Variants in MLLT3 observed in about 807,000 individuals in gnomAD.
The protein encoded by MLLT3 is protein AF-9.
Under a neutral mutation model 53.2 loss-of-function variants are expected in MLLT3, and 4 were observed. The ratio of observed to expected loss-of-function variants is 0.08; its 90% CI spans 0.04 to 0.17. MLLT3 has a LOEUF of 0.17. MLLT3 is among the 10% of genes least tolerant of loss of function. The pLI, the probability that MLLT3 is intolerant of heterozygous loss-of-function variation, is 1.00. For missense variants in MLLT3, 569 were observed against 684.0 expected (o/e 0.83, Z 1.87); for synonymous variants, 283 against 230.6 (o/e 1.23, Z -2.06).
At chr9:20,436,750 A>G (rs979227624) in intron 4 of MLLT3, among the ~76,000 whole-genome samples, 6 of 152,118 alleles carry the variant, frequency 3.9e-5, no homozygotes, top group African/African-American at 1.2e-4. Flanking sequence ...GGTGACCTTG[A>G]CCTATTATAT....
chr9:20,492,065 AAG>A (rs780397666), intron 2 of MLLT3, among the ~76,000 whole-genome samples: 72 of 152,110 alleles, frequency 4.7e-4, no homozygotes, highest in South Asian at 1.7e-3. Context: ...TTTAGAAAAA[AAG>A]AGATGATTTC....
At chr9:20,600,127 AAAAAAAAAAACAAAAAAC>A (rs1167431656) in intron 2 of MLLT3, among the ~76,000 whole-genome samples, 3 of 77,624 alleles carry the variant, frequency 3.9e-5, no homozygotes, top group East Asian at 3.1e-4. Flanking sequence ...ATGTTGTCCA[AAAAAAAAAAACAAAAAAC>A]AAAAAAAAAA....
intron 2 of MLLT3, among the ~76,000 whole-genome samples, chr9:20,470,516 T>C (rs920544346): frequency 6.6e-6 from 1 of 152,052 alleles, no homozygotes; most frequent in East Asian, 1.9e-4. Flanking sequence ...TGAATTAGTA[T>C]ACCTATGTCA....
intron 2 of MLLT3, among the ~76,000 whole-genome samples, chr9:20,610,931 C>T (rs1820686134): frequency 6.6e-6 from 1 of 152,094 alleles, no homozygotes; most frequent in African/African-American, 2.4e-5. Flanking sequence ...AACTAAATCT[C>T]AACAGCCCAA....
intron 2 of MLLT3, among the ~76,000 whole-genome samples, chr9:20,528,854 C>A (rs569706394): frequency 6.6e-6 from 1 of 152,142 alleles, no homozygotes; most frequent in Non-Finnish European, 1.5e-5. Flanking sequence ...TTTGGGGAAC[C>A]AGCATTTGGC....
intron 2 of MLLT3, among the ~76,000 whole-genome samples, chr9:20,529,757 T>TGGG (rs1332144592): frequency 7.8e-6 from 1 of 127,602 alleles, no homozygotes; most frequent in Non-Finnish European, 1.6e-5. Flanking sequence ...TTGGTAGGGA[T>TGGG]GGGGTTCTCA....
intron 2 of MLLT3, among the ~76,000 whole-genome samples, chr9:20,597,632 G>C (rs1820309363): frequency 6.6e-6 from 1 of 152,112 alleles, no homozygotes; most frequent in Non-Finnish European, 1.5e-5. Flanking sequence ...TATTACTGCA[G>C]AGTGGTGTCA....
At chr9:20,372,183 T>A (rs539884426) in intron 5 of MLLT3, among the ~76,000 whole-genome samples, 5 of 152,146 alleles carry the variant, frequency 3.3e-5, no homozygotes, top group East Asian at 3.8e-4. Context: ...TCAGATGGAA[T>A]CTACTCCTGG....
chr9:20,590,628 T>C (rs1820104458), intron 2 of MLLT3, among the ~76,000 whole-genome samples: 1 of 152,214 alleles, frequency 6.6e-6, no homozygotes, highest in African/African-American at 2.4e-5. Flanking sequence ...TCCTGAGGCC[T>C]CTCCAGCCAT....
intron 2 of MLLT3, among the ~76,000 whole-genome samples, chr9:20,473,396 G>A (rs1824442735): frequency 6.6e-6 from 1 of 151,880 alleles, no homozygotes; most frequent in South Asian, 2.1e-4. Context: ...TAATAATGTT[G>A]AGTTTCACCA....
chr9:20,514,668 T>C (rs916946980), intron 2 of MLLT3, among the ~76,000 whole-genome samples: 3 of 152,038 alleles, frequency 2.0e-5, no homozygotes, highest in African/African-American at 7.2e-5. Flanking sequence ...GGCAGCAAGA[T>C]CACAAATGTA....
intron 10 of MLLT3, among the ~76,000 whole-genome samples, chr9:20,349,444 C>A (rs12555173): frequency 0.022 from 3,341 of 151,978 alleles, 75 homozygotes; most frequent in Admixed American, 0.049. Context: ...TTTCCTCTCG[C>A]CCCCAATGAG....
At chr9:20,518,839 G>C (rs1817981606) in intron 2 of MLLT3, among the ~76,000 whole-genome samples, 2 of 152,094 alleles carry the variant, frequency 1.3e-5, no homozygotes, top group African/African-American at 2.4e-5. Flanking sequence ...AAATATCAAG[G>C]TCATGAAAGA....
chr9:20,608,010 G>A (rs1395167278), intron 2 of MLLT3, among the ~76,000 whole-genome samples: 1 of 151,894 alleles, frequency 6.6e-6, no homozygotes, highest in Admixed American at 6.6e-5. Context: ...TATCAAAATA[G>A]TTTGAATTTA....
chr9:20,456,475 A>G (rs1823973175), intron 3 of MLLT3, among the ~76,000 whole-genome samples: 1 of 152,220 alleles, frequency 6.6e-6, no homozygotes, highest in African/African-American at 2.4e-5. Context: ...CTTTAAAGGA[A>G]CACTTAATGA....
intron 2 of MLLT3, among the ~76,000 whole-genome samples, chr9:20,617,522 A>C (rs1820862353): frequency 1.3e-5 from 2 of 152,222 alleles, no homozygotes; most frequent in Admixed American, 1.3e-4. Flanking sequence ...CTGGAAAAAA[A>C]GTTCACTCAA....
intron 2 of MLLT3, among the ~76,000 whole-genome samples, chr9:20,607,874 G>C (rs1299144388): frequency 6.6e-6 from 1 of 151,878 alleles, no homozygotes; most frequent in Non-Finnish European, 1.5e-5. Flanking sequence ...TTTTAGTTAT[G>C]CTTAAGGAAT....
At position 20,353,514 on chromosome 9, in the gene MLLT3, G is replaced by T. The variant is rs762368670; in HGVS notation, c.1575+11C>A. 1 of 1,612,248 alleles carries T rather than the reference G, an allele frequency of 6.2e-7. No individual in the cohort carries two copies. Among genetic ancestry groups the T allele is most frequent in the Non-Finnish European group, 8.5e-7 (1 of 1,178,332 alleles). ...TTTCTGGAAAGGGTTGTGCTAAAAA[G>T]CATTTCTCACCTGCTGCAGAATGTG... On this transcript the variant is annotated intron_variant, in intron 10 of 10. Coordinates refer to ENST00000380338, the MANE Select transcript of MLLT3 (RefSeq NM_004529.4).
intron 2 of MLLT3, among the ~76,000 whole-genome samples, chr9:20,490,127 A>AT (rs1824911525): frequency 6.6e-6 from 1 of 152,196 alleles, no homozygotes; most frequent in Admixed American, 6.5e-5. Flanking sequence ...ACCATCACTG[A>AT]TTAAGTACCA....
Sources: gnomAD v4.1 joint callset for allele counts (sites outside exome capture counted in the v4.1 genomes callset) on GRCh38, gnomAD v4.1.1 for gene constraint, MANE v1.5 for transcripts, NCBI Gene and HGNC (gene_info 2026-07-23, HGNC 2026-07-21) for gene names.